ZFYVE28: variants seen among roughly 807,000 people sequenced by gnomAD.
The protein encoded by ZFYVE28 is lateral signaling target protein 2 homolog.
In ZFYVE28, 40 loss-of-function variants were observed where a neutral mutation model predicts 82.1. The ratio of observed to expected loss-of-function variants is 0.49; its 90% confidence interval spans 0.38 to 0.63. ZFYVE28 has a LOEUF of 0.63. Among genes scored for constraint, ZFYVE28 ranks in the 30% least tolerant of loss-of-function variants. ZFYVE28 has a pLI of 0.00. For missense variants in ZFYVE28, 1,321 were observed against 1,242.1 expected (o/e 1.06, Z -0.96); for synonymous variants, 612 against 546.1 (o/e 1.12, Z -1.68).
rs374684774 is a variant in ZFYVE28, at chr4:2,353,986, G to T, written c.127C>A (p.Arg43=). ...VAAELDSLDG[R]KDPQRCTLLV... is the part of the protein sequence containing the mutation. ...AGCGTGCACCGCTGGGGGTCCTTCC[G>T]CCCATCCAGGCTGTCCAGCTCCGCG... Residue 43 remains arginine (R), a synonymous_variant, in exon 2 of 13, where the codon CGG becomes AGG. Coordinates refer to ENST00000290974, the MANE Select transcript of ZFYVE28 (RefSeq NM_020972.3). 3 of 1,584,638 alleles carry T rather than the reference G, an allele frequency of 1.9e-6. No homozygotes were observed. The East Asian group carries it at 7.0e-5, about 37-fold the overall frequency.
Position 2,353,978 on chromosome 4 carries a change from G to C in ZFYVE28, c.135C>G (p.Asp45Glu). The C allele has an allele frequency of 1.3e-6, 2 of 1,583,924 alleles. No individual in the cohort carries two copies. Among genetic ancestry groups the C allele is most frequent in the Non-Finnish European group, 1.7e-6 (2 of 1,165,314 alleles). ...TGACCAGCAGCGTGCACCGCTGGGG[G>C]TCCTTCCGCCCATCCAGGCTGTCCA... ...AELDSLDGRK[D>E]PQRCTLLVSQ... Residue 45 changes from aspartate to glutamate, a missense_variant, in exon 2 of 13, where the codon GAC (aspartate) becomes GAG (glutamate). By Grantham distance (45) the Asp-to-Glu change is conservative. Coordinates refer to ENST00000290974, the MANE Select transcript of ZFYVE28 (RefSeq NM_020972.3).
intron 1 of ZFYVE28, among the ~76,000 whole-genome samples, chr4:2,411,119 G>A (rs768167261): frequency 2.0e-5 from 3 of 152,296 alleles, no homozygotes; most frequent in East Asian, 1.9e-4. Flanking sequence ...CCTTTCTGGT[G>A]GGGGAGAGCC....
At chr4:2,346,397 G>C (rs892373658) in intron 2 of ZFYVE28, among the ~76,000 whole-genome samples, 9 of 150,894 alleles carry the variant, frequency 6.0e-5, no homozygotes, top group Admixed American at 1.3e-4. Flanking sequence ...AAAAGAAAAT[G>C]ACACCAGATG....
intron 1 of ZFYVE28, among the ~76,000 whole-genome samples, chr4:2,390,415 C>G (rs1729706217): frequency 6.6e-6 from 1 of 152,146 alleles, no homozygotes; most frequent in African/African-American, 2.4e-5. Context: ...GCAGGGCCAC[C>G]ACAGGGAGCC....
intron 4 of ZFYVE28, among the ~76,000 whole-genome samples, chr4:2,337,877 T>TACACAC (rs57325124): frequency 9.3e-5 from 14 of 151,090 alleles, no homozygotes; most frequent in East Asian, 2.0e-4. Flanking sequence ...TCTCTTAAAA[T>TACACAC]ACACACACAC....
rs180821942 is a variant in ZFYVE28 at position 2,290,474 on chromosome 4, G to A, written c.2051+13815C>T. Reference sequence around the variant, plus strand: ...CGTAGCTACCCTGACACTCCTGTCTGTTGGCCCTCTCCAGCTTTGTCCTCT... The same window carrying A: ...CGTAGCTACCCTGACACTCCTGTCTATTGGCCCTCTCCAGCTTTGTCCTCT... On this transcript the variant is annotated intron_variant, in intron 8 of 12. Transcript: ENST00000290974. Among the ~76,000 whole-genome samples the A allele has an allele frequency of 4.6e-5, 7 of 152,322 alleles. No homozygotes were observed. The East Asian group carries it at 1.4e-3, about 29-fold the overall frequency.
intron 8 of ZFYVE28, among the ~76,000 whole-genome samples, chr4:2,283,689 G>GGC (rs1712308495): frequency 6.6e-6 from 1 of 152,178 alleles, no homozygotes; most frequent in African/African-American, 2.4e-5. Context: ...ACGATTTGAT[G>GGC]GCAGAGATCA....
chr4:2,271,838 T>A, intron 10 of ZFYVE28, 59 bp from the exon 11 acceptor site: 1 of 1,464,912 alleles, frequency 6.8e-7, no homozygotes, highest in African/African-American at 1.4e-5. Context: ...TGATGCAGGG[T>A]CACCTGCACT....
At chr4:2,412,329 G>A (rs879923096) in intron 1 of ZFYVE28, among the ~76,000 whole-genome samples, 3 of 152,122 alleles carry the variant, frequency 2.0e-5, no homozygotes, top group Non-Finnish European at 4.4e-5. Context: ...GGAAGTCCCC[G>A]CCTGCTTACA....
chr4:2,277,988 C>T (rs1190345941), intron 8 of ZFYVE28, among the ~76,000 whole-genome samples: 3 of 152,176 alleles, frequency 2.0e-5, no homozygotes, highest in Admixed American at 6.5e-5. Flanking sequence ...GACATACAGA[C>T]CAATGAGACC....
At chr4:2,288,822 T>TA (rs201024627) in intron 8 of ZFYVE28, among the ~76,000 whole-genome samples, 63 of 149,966 alleles carry the variant, frequency 4.2e-4, no homozygotes, top group African/African-American at 1.2e-3. Flanking sequence ...TACTAAAAGT[T>TA]AAAAAAAAAG....
At chr4:2,327,301 T>C (rs1720022942) in intron 6 of ZFYVE28, among the ~76,000 whole-genome samples, 1 of 81,540 alleles carries the variant, frequency 1.2e-5, no homozygotes, top group African/African-American at 4.7e-5. Flanking sequence ...TATATATATA[T>C]ATATATATCG....
intron 1 of ZFYVE28, among the ~76,000 whole-genome samples, chr4:2,404,319 A>AAAAAC (rs1553866934): frequency 7.0e-5 from 6 of 86,064 alleles, no homozygotes; most frequent in South Asian, 4.0e-4. Flanking sequence ...CAAAAAAAAA[A>AAAAAC]AAAAAAAAAC....
chr4:2,291,977 C>T (rs1713784595), intron 8 of ZFYVE28, among the ~76,000 whole-genome samples: 1 of 152,200 alleles, frequency 6.6e-6, no homozygotes, highest in Non-Finnish European at 1.5e-5. Flanking sequence ...CAGGCTCCAG[C>T]ACGTCCTCCC....
intron 8 of ZFYVE28, among the ~76,000 whole-genome samples, chr4:2,302,954 G>A (rs557192381): frequency 4.6e-5 from 7 of 152,348 alleles, no homozygotes; most frequent in South Asian, 2.1e-4. Flanking sequence ...CGCGGAGGAC[G>A]GTTCCTGCCG....
intron 6 of ZFYVE28, chr4:2,330,799 G>C: frequency 6.5e-7 from 1 of 1,530,764 alleles, no homozygotes; most frequent in Non-Finnish European, 8.7e-7. Context: ...GGGACCCTGA[G>C]CGAAGGGGAC....
At chr4:2,346,138 C>G (rs1459400700) in intron 2 of ZFYVE28, among the ~76,000 whole-genome samples, 2 of 146,800 alleles carry the variant, frequency 1.4e-5, no homozygotes, top group Non-Finnish European at 3.0e-5. Context: ...ACCATCCTGG[C>G]TAATACGGTG....
chr4:2,302,818 G>A (rs938866549), intron 8 of ZFYVE28, among the ~76,000 whole-genome samples: 1 of 152,242 alleles, frequency 6.6e-6, no homozygotes, highest in Non-Finnish European at 1.5e-5. Flanking sequence ...TCTACATGGT[G>A]GCCCTTACAG....
At chr4:2,414,755 G>A (rs527942712) in intron 1 of ZFYVE28, among the ~76,000 whole-genome samples, 13 of 152,250 alleles carry the variant, frequency 8.5e-5, no homozygotes, top group African/African-American at 2.6e-4. Context: ...CCCCCATGCC[G>A]GGAATTCTCA....
Sources: gnomAD v4.1 joint callset for allele counts (sites outside exome capture counted in the v4.1 genomes callset) on GRCh38, gnomAD v4.1.1 for gene constraint, MANE v1.5 for transcripts, NCBI Gene and HGNC (gene_info 2026-07-23, HGNC 2026-07-21) for gene names.